DYM: variants seen among roughly 807,000 people sequenced by gnomAD.
The protein encoded by DYM is dyggve-Melchior-Clausen syndrome protein.
A neutral mutation model predicts 93.1 loss-of-function variants in DYM; 78 were observed. That is an observed-to-expected ratio of 0.84 (90% CI 0.70 to 1.01). The LOEUF (loss-of-function observed/expected upper bound fraction) is 1.01. DYM is among the 50% of genes least tolerant of loss of function. The pLI, the probability that DYM is intolerant of heterozygous loss-of-function variation, is 0.00. For missense variants in DYM, 789 were observed against 845.0 expected, an observed-to-expected ratio of 0.93 and a Z score of 0.82; for synonymous variants, 321 against 319.7, an observed-to-expected ratio of 1.00 and a Z score of -0.04.
chr18:49,223,590 T>G (rs1481807082), intron 13 of DYM, among the ~76,000 whole-genome samples: 1 of 152,074 alleles, frequency 6.6e-6, no homozygotes, highest in East Asian at 1.9e-4. Flanking sequence ...AAGGGAAGTG[T>G]TGTTAATATT....
chr18:49,056,686 T>C (rs1002136422), intron 17 of DYM, among the ~76,000 whole-genome samples: 2 of 150,934 alleles, frequency 1.3e-5, no homozygotes, highest in Non-Finnish European at 2.9e-5. Context: ...TACAGGCGCA[T>C]GCCACCACAA....
chr18:49,053,119 G>A (rs78549315), intron 17 of DYM, among the ~76,000 whole-genome samples: 2,538 of 152,318 alleles, frequency 0.017, 72 homozygotes, highest in African/African-American at 0.057. Flanking sequence ...TGGCTGGAAT[G>A]TTTTTATCAG....
At chr18:49,175,370 T>C (rs2089266744) in intron 14 of DYM, among the ~76,000 whole-genome samples, 1 of 152,216 alleles carries the variant, frequency 6.6e-6, no homozygotes, top group Non-Finnish European at 1.5e-5. Flanking sequence ...TTAAAAATCT[T>C]ATCTTTAAGG....
chr18:49,154,986 T>C (rs73441554), intron 15 of DYM, among the ~76,000 whole-genome samples: 19,026 of 152,206 alleles, frequency 0.13, 1,455 homozygotes, highest in East Asian at 0.29. Flanking sequence ...TTATATATCA[T>C]GGGTATCTTT....
chr18:49,174,578 A>G (rs1046842543), intron 14 of DYM, among the ~76,000 whole-genome samples: 2 of 152,094 alleles, frequency 1.3e-5, no homozygotes, highest in Non-Finnish European at 2.9e-5. Flanking sequence ...AACAGAAACT[A>G]CTTTCCTGAA....
chr18:49,080,573 G>T (rs1315414765), intron 17 of DYM, among the ~76,000 whole-genome samples: 4 of 141,988 alleles, frequency 2.8e-5, no homozygotes, highest in Non-Finnish European at 6.2e-5. Flanking sequence ...CGGACGGGGC[G>T]GCTGGCCGGG....
At chr18:49,424,703 T>C (rs1469305914) in intron 2 of DYM, among the ~76,000 whole-genome samples, 1 of 152,148 alleles carries the variant, frequency 6.6e-6, no homozygotes, top group Non-Finnish European at 1.5e-5. Context: ...AGTCTCAGGA[T>C]ACAAAATCAA....
chr18:49,128,620 T>C (rs886079098), intron 15 of DYM, among the ~76,000 whole-genome samples: 18 of 152,290 alleles, frequency 1.2e-4, no homozygotes, highest in Middle Eastern at 3.4e-3. Flanking sequence ...ACTTACATAA[T>C]TTTTTAAAAC....
At chr18:49,062,630 A>T (rs1041792924) in intron 17 of DYM, among the ~76,000 whole-genome samples, 1 of 152,162 alleles carries the variant, frequency 6.6e-6, no homozygotes, top group African/African-American at 2.4e-5. Context: ...CAGAACACAC[A>T]CGGGTGGCCA....
intron 17 of DYM, among the ~76,000 whole-genome samples, chr18:49,076,161 C>G (rs1361988797): frequency 2.0e-5 from 3 of 152,012 alleles, no homozygotes; most frequent in African/African-American, 7.3e-5. Flanking sequence ...AATAATCTTT[C>G]TCTGTATGTA....
At chr18:49,434,551 T>C (rs1372379069) in intron 1 of DYM, among the ~76,000 whole-genome samples, 2 of 151,864 alleles carry the variant, frequency 1.3e-5, no homozygotes, top group African/African-American at 4.8e-5. Flanking sequence ...AAAAAGAAAG[T>C]GGCCACCCCT....
intron 6 of DYM, among the ~76,000 whole-genome samples, chr18:49,338,071 A>T (rs1237908087): frequency 1.3e-5 from 2 of 152,218 alleles, no homozygotes; most frequent in Admixed American, 1.3e-4. Context: ...AACAGTTATT[A>T]AAAAATCAAG....
chr18:49,081,193 G>C (rs2442008), intron 17 of DYM, among the ~76,000 whole-genome samples: 139,306 of 148,168 alleles, frequency 0.94, 65,565 homozygotes, highest in East Asian at 1. Flanking sequence ...GATCACGCCA[G>C]TGCACTCCAG....
chr18:49,379,090 A>G (rs2067795853), intron 4 of DYM, among the ~76,000 whole-genome samples: 2 of 152,314 alleles, frequency 1.3e-5, no homozygotes, highest in South Asian at 4.1e-4. Flanking sequence ...TCGACGAGGC[A>G]TTGCCAGCAG....
At chr18:49,293,697 T>C (rs2060325997) in intron 8 of DYM, among the ~76,000 whole-genome samples, 1 of 152,046 alleles carries the variant, frequency 6.6e-6, no homozygotes, top group Non-Finnish European at 1.5e-5. Context: ...ATTTAAGTTC[T>C]TGTAGATTCT....
At chr18:49,204,381 A>G (rs1341531076) in intron 14 of DYM, among the ~76,000 whole-genome samples, 2 of 152,256 alleles carry the variant, frequency 1.3e-5, no homozygotes, top group Non-Finnish European at 2.9e-5. Context: ...CTGCAACAGA[A>G]TTAACTCAAC....
chr18:49,423,011 C>A (rs2148367335), intron 2 of DYM, among the ~76,000 whole-genome samples: 1 of 152,264 alleles, frequency 6.6e-6, no homozygotes, highest in East Asian at 1.9e-4. Flanking sequence ...CAAGGATATC[C>A]AGGAATTGAA....
intron 3 of DYM, among the ~76,000 whole-genome samples, chr18:49,390,048 TC>T (rs2069049310): frequency 6.6e-6 from 1 of 152,190 alleles, no homozygotes; most frequent in East Asian, 1.9e-4. Context: ...AGCAAAAAAT[TC>T]CCTAAGCTAT....
intron 13 of DYM, among the ~76,000 whole-genome samples, chr18:49,244,035 A>C (rs1386827624): frequency 1.3e-5 from 2 of 152,038 alleles, no homozygotes; most frequent in Non-Finnish European, 2.9e-5. Flanking sequence ...TAACAGGAGG[A>C]GTGTCACATT....
Sources: allele counts gnomAD v4.1 joint callset (sites outside exome capture counted in the v4.1 genomes callset), GRCh38; gene constraint gnomAD v4.1.1; transcripts MANE v1.5; gene names NCBI Gene and HGNC (gene_info 2026-07-23, HGNC 2026-07-21).